CNTN4: variants seen among roughly 807,000 people sequenced by gnomAD.
CNTN4 encodes contactin 4.
Under a neutral mutation model 122.5 loss-of-function variants are expected in CNTN4, and 77 were observed. That is an observed-to-expected ratio of 0.63 (90% confidence interval 0.52 to 0.76). The LOEUF is 0.76. Among genes scored for constraint, CNTN4 ranks in the 30% least tolerant of loss-of-function variants. The probability of loss-of-function intolerance (pLI) is 0.00; values close to 1 mark genes in which losing one functional copy is unlikely to be tolerated. For missense variants in CNTN4, 1,256 were observed against 1,259.1 expected, an observed-to-expected ratio of 1.00 and a Z score of 0.04; for synonymous variants, 512 against 447.0, an observed-to-expected ratio of 1.15 and a Z score of -1.83.
chr3:2,879,521 A>G (rs958813371), intron 8 of CNTN4, among the ~76,000 whole-genome samples: 7 of 152,336 alleles, frequency 4.6e-5, no homozygotes, highest in African/African-American at 1.2e-4. Context: ...AAAAAGGAAC[A>G]AACTACTGGT....
chr3:2,764,995 C>G (rs961902547), intron 6 of CNTN4, among the ~76,000 whole-genome samples: 1 of 152,178 alleles, frequency 6.6e-6, no homozygotes, highest in Non-Finnish European at 1.5e-5. Context: ...CCACACTATA[C>G]TGGCTTTCTG....
intron 16 of CNTN4, among the ~76,000 whole-genome samples, chr3:3,033,928 G>A (rs1448351226): frequency 6.6e-6 from 1 of 152,204 alleles, no homozygotes; most frequent in Non-Finnish European, 1.5e-5. Context: ...ATACGGGTAT[G>A]AGTTGCAGAA....
chr3:2,654,376 G>C (rs2083488206), intron 4 of CNTN4, among the ~76,000 whole-genome samples: 1 of 152,092 alleles, frequency 6.6e-6, no homozygotes, highest in African/African-American at 2.4e-5. Context: ...TTTAATTATT[G>C]TGCTACTTTC....
chr3:2,947,508 C>T (rs541881707), intron 13 of CNTN4, among the ~76,000 whole-genome samples: 20 of 152,342 alleles, frequency 1.3e-4, no homozygotes, highest in African/African-American at 4.6e-4. Context: ...CCTAGTTCCT[C>T]ACATCTATAA....
chr3:2,648,968 C>T (rs904633327), intron 4 of CNTN4, among the ~76,000 whole-genome samples: 12 of 152,142 alleles, frequency 7.9e-5, no homozygotes, highest in Admixed American at 5.2e-4. Flanking sequence ...TCACACCAGC[C>T]GCAACATTCA....
At chr3:2,353,768 G>GGGCGCCTGTGGTCCCA (rs2044746161) in intron 3 of CNTN4, among the ~76,000 whole-genome samples, 1 of 152,026 alleles carries the variant, frequency 6.6e-6, no homozygotes, top group African/African-American at 2.4e-5. Context: ...GTGTGGTGGC[G>GGGCGCCTGTGGTCCCA]GGCGCCTGTG....
chr3:2,336,609 C>T (rs866869134), intron 2 of CNTN4, among the ~76,000 whole-genome samples: 73 of 152,200 alleles, frequency 4.8e-4, no homozygotes, highest in African/African-American at 1.7e-3. Flanking sequence ...TATACAGAAA[C>T]TTAAACTAGC....
chr3:2,279,330 C>T (rs1050344575), intron 2 of CNTN4, among the ~76,000 whole-genome samples: 2 of 152,152 alleles, frequency 1.3e-5, no homozygotes, highest in Admixed American at 1.3e-4. Flanking sequence ...AGTAGTCAGT[C>T]AGTTGTTATA....
chr3:2,617,101 A>G (rs1360609952), intron 4 of CNTN4, among the ~76,000 whole-genome samples: 1 of 152,220 alleles, frequency 6.6e-6, no homozygotes, highest in East Asian at 1.9e-4. Context: ...CATGACGTCA[A>G]TGCCAAAAGC....
chr3:2,771,906 A>C (rs958708355), intron 6 of CNTN4, among the ~76,000 whole-genome samples: 1 of 152,204 alleles, frequency 6.6e-6, no homozygotes, highest in Non-Finnish European at 1.5e-5. Context: ...GATGGTTGAT[A>C]GTTAAAGAGG....
intron 3 of CNTN4, among the ~76,000 whole-genome samples, chr3:2,452,135 C>A (rs576766550): frequency 6.6e-6 from 1 of 152,044 alleles, no homozygotes. Flanking sequence ...GTATACAGAG[C>A]AGGAAAAATG....
intron 4 of CNTN4, among the ~76,000 whole-genome samples, chr3:2,607,610 C>CCACACACACACA (rs61707029): frequency 1.9e-4 from 28 of 145,474 alleles, no homozygotes; most frequent in Non-Finnish European, 3.6e-4. Flanking sequence ...ACATATGCAT[C>CCACACACACACA]CACACACACA....
At chr3:2,128,308 A>G (rs1186172548) in intron 2 of CNTN4, among the ~76,000 whole-genome samples, 2 of 152,228 alleles carry the variant, frequency 1.3e-5, no homozygotes, top group African/African-American at 4.8e-5. Flanking sequence ...TCCAGAATGG[A>G]CACAGTGATA....
chr3:2,486,061 G>C (rs757275699), intron 3 of CNTN4, among the ~76,000 whole-genome samples: 3 of 152,034 alleles, frequency 2.0e-5, no homozygotes, highest in East Asian at 1.9e-4. Context: ...CATTCATCTC[G>C]AAGGTCTGCA....
chr3:2,835,062 GC>G (rs980185887), intron 7 of CNTN4, among the ~76,000 whole-genome samples: 1 of 151,458 alleles, frequency 6.6e-6, no homozygotes, highest in African/African-American at 2.4e-5. Flanking sequence ...CCGCCACCAC[GC>G]CCGGCTCATT....
intron 2 of CNTN4, among the ~76,000 whole-genome samples, chr3:2,105,872 G>A (rs1358581229): frequency 6.6e-6 from 1 of 152,128 alleles, no homozygotes; most frequent in African/African-American, 2.4e-5. Flanking sequence ...TTCTACCTAT[G>A]AGCCTGTAAA....
intron 3 of CNTN4, among the ~76,000 whole-genome samples, chr3:2,381,044 C>T (rs371706110): frequency 6.6e-6 from 1 of 150,760 alleles, no homozygotes; most frequent in African/African-American, 2.4e-5. Flanking sequence ...CTTGGTCAGT[C>T]GCCCAGGCTG....
Position 2,886,485 on chromosome 3 carries a change from A to G in CNTN4, c.756-555A>G, listed in dbSNP as rs112207875. The stretch of plus-strand genomic sequence containing the variant: ...CATATAAAAATCTGTTTTTATTTCA[A>G]TGATGATATTGTATAGGAGATAGAT... On this transcript the variant is annotated intron_variant, in intron 9 of 24. Coordinates refer to ENST00000418658, the MANE Select transcript of CNTN4 (RefSeq NM_175607.3). 7.0e-3 allele frequency among the ~76,000 whole-genome samples: 1,063 copies of G among 151,496 alleles called. 12 individuals are homozygous for G. Among genetic ancestry groups the G allele is most frequent in the African/African-American group, 0.025 (1,013 of 41,298 alleles).
chr3:2,986,140 C>G (rs1280007654), intron 13 of CNTN4, among the ~76,000 whole-genome samples: 1 of 152,054 alleles, frequency 6.6e-6, no homozygotes, highest in Non-Finnish European at 1.5e-5. Context: ...GTCTCAAACT[C>G]CTGAGCTCAA....
Sources: allele counts gnomAD v4.1 joint callset (sites outside exome capture counted in the v4.1 genomes callset), GRCh38; gene constraint gnomAD v4.1.1; transcripts MANE v1.5; gene names NCBI Gene and HGNC (gene_info 2026-07-23, HGNC 2026-07-21).